The following FRMD4A variants were observed in gnomAD, a reference collection of about 807,000 sequenced individuals.
FRMD4A encodes the protein FERM domain containing 4A, also known as FERM domain-containing protein 4A.
A neutral mutation model predicts 129.1 loss-of-function variants in FRMD4A; 29 were observed. The ratio of observed to expected loss-of-function variants is 0.22; its 90% confidence interval spans 0.17 to 0.31. FRMD4A has a LOEUF of 0.31. Among genes scored for constraint, FRMD4A ranks in the 10% least tolerant of loss-of-function variants. FRMD4A has a pLI of 1.00. For synonymous variants in FRMD4A, 634 were observed against 571.6 expected (o/e 1.11, Z -1.56); for missense variants, 1,272 against 1,375.8 (o/e 0.92, Z 1.19).
At chr10:13,902,523 G>T (rs1182207645) in intron 2 of FRMD4A, among the ~76,000 whole-genome samples, 3 of 148,776 alleles carry the variant, frequency 2.0e-5, no homozygotes, top group African/African-American at 7.4e-5. Flanking sequence ...GCCAACATGA[G>T]AATCCCCTGG....
intron 14 of FRMD4A, among the ~76,000 whole-genome samples, chr10:13,700,242 C>T (rs1372318421): frequency 1.3e-5 from 2 of 150,394 alleles, no homozygotes; most frequent in Non-Finnish European, 3.0e-5. Context: ...GCCACTGTGC[C>T]CAGCCCTGTC....
intron 15 of FRMD4A, among the ~76,000 whole-genome samples, chr10:13,683,838 G>C (rs550299766): frequency 1.3e-5 from 2 of 151,442 alleles, no homozygotes; most frequent in Admixed American, 1.3e-4. Flanking sequence ...TCAGCCTCCC[G>C]AGTAGCTGGG....
intron 19 of FRMD4A, among the ~76,000 whole-genome samples, chr10:13,661,207 G>T (rs2082615701): frequency 6.6e-6 from 1 of 152,200 alleles, no homozygotes; most frequent in Non-Finnish European, 1.5e-5. Context: ...CAAAGATTAT[G>T]TATTAATAAA....
At chr10:13,780,713 T>C (rs1406870764) in intron 6 of FRMD4A, among the ~76,000 whole-genome samples, 2 of 152,148 alleles carry the variant, frequency 1.3e-5, no homozygotes, top group African/African-American at 2.4e-5. Flanking sequence ...GTGGAGAAAC[T>C]GGAACCCTTG....
At chr10:14,312,307 G>T (rs1846576982) in intron 2 of FRMD4A, among the ~76,000 whole-genome samples, 1 of 152,196 alleles carries the variant, frequency 6.6e-6, no homozygotes, top group African/African-American at 2.4e-5. Flanking sequence ...ACACCCTTCA[G>T]AGAATAGCTC....
At chr10:13,796,676 T>C in intron 4 of FRMD4A, 88 bp from the exon 5 acceptor site, 2 of 706,412 alleles carry the variant, frequency 2.8e-6, no homozygotes. Context: ...CAGAACGTGC[T>C]GGATCGTAGA....
chr10:13,694,245 G>T (rs372221011), intron 14 of FRMD4A, among the ~76,000 whole-genome samples: 4 of 152,260 alleles, frequency 2.6e-5, no homozygotes, highest in Non-Finnish European at 4.4e-5. Flanking sequence ...CTCAAGAGCT[G>T]CATCAATTGA....
At chr10:14,159,071 G>A (rs74122386) in intron 2 of FRMD4A, among the ~76,000 whole-genome samples, 1,948 of 152,290 alleles carry the variant, frequency 0.013, 40 homozygotes, top group African/African-American at 0.044. Context: ...ACAAGGGAGA[G>A]AGAGAGGGGA....
At chr10:14,183,703 C>A (rs1294396430) in intron 2 of FRMD4A, among the ~76,000 whole-genome samples, 1 of 152,080 alleles carries the variant, frequency 6.6e-6, no homozygotes, top group Non-Finnish European at 1.5e-5. Context: ...TGAATCTTAA[C>A]CATGGTATCT....
At chr10:13,835,978 A>T (rs1040129512) in intron 3 of FRMD4A, among the ~76,000 whole-genome samples, 5 of 152,102 alleles carry the variant, frequency 3.3e-5, no homozygotes, top group Admixed American at 3.3e-4. Flanking sequence ...TGAGCCTGGC[A>T]CTAAACACTT....
At chr10:13,913,897 C>T (rs1311423665) in intron 2 of FRMD4A, among the ~76,000 whole-genome samples, 1 of 152,192 alleles carries the variant, frequency 6.6e-6, no homozygotes, top group African/African-American at 2.4e-5. Context: ...CGGATATGAG[C>T]TGTAGCTCAG....
intron 2 of FRMD4A, among the ~76,000 whole-genome samples, chr10:14,156,174 A>T (rs1232904415): frequency 6.6e-6 from 1 of 152,214 alleles, no homozygotes; most frequent in Admixed American, 6.5e-5. Context: ...ATATTCACAC[A>T]ATGTTGTACT....
chr10:13,798,280 C>G (rs2093167620), intron 4 of FRMD4A, among the ~76,000 whole-genome samples: 1 of 152,000 alleles, frequency 6.6e-6, no homozygotes, highest in South Asian at 2.1e-4. Flanking sequence ...GACCTGGTGG[C>G]AGGTGCCTAT....
intron 2 of FRMD4A, among the ~76,000 whole-genome samples, chr10:14,154,731 T>A (rs1417743943): frequency 6.6e-6 from 1 of 152,236 alleles, no homozygotes; most frequent in Non-Finnish European, 1.5e-5. Context: ...CTTTTGAGAT[T>A]GGCATGTCTA....
chr10:14,015,499 A>C (rs2447016), intron 2 of FRMD4A, among the ~76,000 whole-genome samples: 106,324 of 151,046 alleles, frequency 0.7, 37,914 homozygotes, highest in African/African-American at 0.77. Context: ...CCATGAGCAG[A>C]CAGGCAAATG....
At chr10:13,778,012 A>C (rs1367718877) in intron 6 of FRMD4A, among the ~76,000 whole-genome samples, 2 of 151,982 alleles carry the variant, frequency 1.3e-5, no homozygotes, top group Non-Finnish European at 2.9e-5. Flanking sequence ...CATGTTGGTC[A>C]GGCTGGTCTC....
intron 5 of FRMD4A, among the ~76,000 whole-genome samples, chr10:13,791,262 G>C (rs186070884): frequency 3.7e-4 from 56 of 152,302 alleles, no homozygotes; most frequent in African/African-American, 1.1e-3. Context: ...GGGGAACAGA[G>C]ACCCTGAGCA....
In FRMD4A at chr10:13,931,533, C is replaced by T. The variant is rs186521494; in HGVS notation, c.46-72621G>A. Reference sequence around the variant, plus strand: ...TTCCCCAGGAAAGACCTTCCTGACTCCCAGGGCTAGGTTGGCTGCTACTAC... The same window carrying T: ...TTCCCCAGGAAAGACCTTCCTGACTTCCAGGGCTAGGTTGGCTGCTACTAC... On this transcript the variant is annotated intron_variant, in intron 2 of 24. Coordinates refer to ENST00000357447, the MANE Select transcript of FRMD4A (RefSeq NM_018027.5). Among the ~76,000 whole-genome samples the T allele has an allele frequency of 8.5e-5, 13 of 152,260 alleles. No homozygotes were observed. In the East Asian group the frequency reaches 2.5e-3, roughly 29 times the overall value.
At chr10:14,187,692 G>T (rs1429547899) in intron 2 of FRMD4A, among the ~76,000 whole-genome samples, 1 of 152,180 alleles carries the variant, frequency 6.6e-6, no homozygotes, top group Non-Finnish European at 1.5e-5. Context: ...GGGGTGGGAG[G>T]ATCGCCTGAG....
Sources: allele counts gnomAD v4.1 joint callset (sites outside exome capture counted in the v4.1 genomes callset), GRCh38; gene constraint gnomAD v4.1.1; transcripts MANE v1.5; gene names NCBI Gene and HGNC (gene_info 2026-07-23, HGNC 2026-07-21).